Variants in SHLD1 observed in about 807,000 individuals in gnomAD.
SHLD1 encodes the protein shieldin complex subunit 1.
Under a neutral mutation model 5.5 loss-of-function variants are expected in SHLD1, and 3 were observed. That is an observed-to-expected ratio of 0.54 (90% confidence interval 0.25 to 1.40). The LOEUF is 1.40. SHLD1 is among the 40% of genes most tolerant of loss of function. The pLI, the probability that SHLD1 is intolerant of heterozygous loss-of-function variation, is 0.15. For missense variants in SHLD1, 210 were observed against 244.4 expected (o/e 0.86, Z 0.94); for synonymous variants, 92 against 94.3 (o/e 0.98, Z 0.14).
At chr20:5,769,586 C>T (rs1985034490) in intron 1 of SHLD1, among the ~76,000 whole-genome samples, 1 of 152,144 alleles carries the variant, frequency 6.6e-6, no homozygotes, top group Non-Finnish European at 1.5e-5. Flanking sequence ...AGATGAACAA[C>T]AAAACTAATA....
chr20:5,801,886 T>C (rs1313162368), intron 2 of SHLD1, among the ~76,000 whole-genome samples: 1 of 152,174 alleles, frequency 6.6e-6, no homozygotes, highest in East Asian at 1.9e-4. Flanking sequence ...GCTATGGAAG[T>C]TACATAAGTC....
intron 1 of SHLD1, among the ~76,000 whole-genome samples, chr20:5,768,131 T>C (rs950716775): frequency 1.2e-4 from 18 of 152,064 alleles, no homozygotes; most frequent in African/African-American, 3.9e-4. Flanking sequence ...TGTGCCACCA[T>C]GCCCAGCTAA....
intron 2 of SHLD1, among the ~76,000 whole-genome samples, chr20:5,784,965 G>C (rs1490712105): frequency 6.6e-6 from 1 of 152,176 alleles, no homozygotes; most frequent in East Asian, 1.9e-4. Context: ...GCACTTATCT[G>C]CCGAGTCCAG....
At chr20:5,852,041 T>C (rs560024573) in intron 2 of SHLD1, among the ~76,000 whole-genome samples, 2 of 152,072 alleles carry the variant, frequency 1.3e-5, no homozygotes, top group East Asian at 3.9e-4. Flanking sequence ...TTTGGCTGTG[T>C]GACATGCCTG....
rs149921939 is a variant in SHLD1, at chr20:5,806,986, A to G, written c.178+33943A>G. ...CCTTGAATTCTCATTTTATTCCTCA[A>G]TGCACTGGCTTAGAAATCAGCTGGC... On this transcript the variant is annotated intron_variant, in intron 2 of 2. Coordinates refer to ENST00000303142, the MANE Select transcript of SHLD1 (RefSeq NM_152504.4). The surrounding 1 kb of genome is among the most constrained non-coding windows in gnomAD (Gnocchi z 7.6). Among the ~76,000 whole-genome samples, 367 of 152,278 alleles carry G rather than the reference A, an allele frequency of 2.4e-3. 1 individual carries two copies. The highest frequency in any genetic ancestry group is 6.8e-3 in the Middle Eastern group (2 of 294).
chr20:5,783,311 G>A (rs1246135015), intron 2 of SHLD1, among the ~76,000 whole-genome samples: 1 of 152,030 alleles, frequency 6.6e-6, no homozygotes, highest in Non-Finnish European at 1.5e-5. Flanking sequence ...TGCGACCTCC[G>A]CCTCCCAGTT....
At chr20:5,842,581 G>C (rs907228609) in intron 2 of SHLD1, among the ~76,000 whole-genome samples, 22 of 152,152 alleles carry the variant, frequency 1.4e-4, no homozygotes, top group African/African-American at 4.3e-4. Context: ...GTCTCATTGT[G>C]CATTGCCTTT....
intron 2 of SHLD1, among the ~76,000 whole-genome samples, chr20:5,850,439 A>C (rs1018667878): frequency 7.3e-5 from 11 of 151,640 alleles, no homozygotes; most frequent in Admixed American, 6.6e-4. Flanking sequence ...CCCTCCCTGA[A>C]GTAACTTTCT....
At chr20:5,789,688 A>G (rs969839938) in intron 2 of SHLD1, among the ~76,000 whole-genome samples, 7 of 152,170 alleles carry the variant, frequency 4.6e-5, no homozygotes, top group African/African-American at 1.7e-4. Context: ...CTGCTAAGCA[A>G]CTATGAACCC....
chr20:5,810,648 C>T (rs2087446219), intron 2 of SHLD1, among the ~76,000 whole-genome samples: 1 of 151,248 alleles, frequency 6.6e-6, no homozygotes, highest in Non-Finnish European at 1.5e-5. Flanking sequence ...AATCCCAGCA[C>T]CTTGGGAGGC....
At chr20:5,804,868 C>G (rs113435655) in intron 2 of SHLD1, among the ~76,000 whole-genome samples, 4,665 of 152,252 alleles carry the variant, frequency 0.031, 98 homozygotes, top group Non-Finnish European at 0.048. Flanking sequence ...CTTTGTTTAC[C>G]TAACACAGAA....
intron 1 of SHLD1, among the ~76,000 whole-genome samples, chr20:5,760,936 G>A (rs1984426888): frequency 6.6e-6 from 1 of 152,066 alleles, no homozygotes; most frequent in Non-Finnish European, 1.5e-5. Context: ...AGAGTGAGGG[G>A]TGGTTGAGTT....
At chr20:5,785,779 G>A (rs2087051872) in intron 2 of SHLD1, among the ~76,000 whole-genome samples, 1 of 140,904 alleles carries the variant, frequency 7.1e-6, no homozygotes, top group African/African-American at 2.6e-5. Flanking sequence ...CTGGGTAACA[G>A]AGTAAGACTC....
intron 2 of SHLD1, among the ~76,000 whole-genome samples, chr20:5,860,901 A>T (rs2088154089): frequency 8.1e-6 from 1 of 122,968 alleles, no homozygotes; most frequent in Admixed American, 7.7e-5. Flanking sequence ...AAAAAAAAAA[A>T]AAAAAAAAAA....
chr20:5,843,864 C>T (rs2087895886), intron 2 of SHLD1, among the ~76,000 whole-genome samples: 1 of 152,214 alleles, frequency 6.6e-6, no homozygotes, highest in South Asian at 2.1e-4. Flanking sequence ...ATGTATTCCT[C>T]ACTTCTAGCC....
chr20:5,823,264 G>A (rs1375218719), intron 2 of SHLD1, among the ~76,000 whole-genome samples: 3 of 151,746 alleles, frequency 2.0e-5, no homozygotes, highest in African/African-American at 4.8e-5. Flanking sequence ...CTGACCTCAG[G>A]CCTCAGGCCT....
intron 1 of SHLD1, chr20:5,772,304 C>G: frequency 2.7e-6 from 1 of 376,990 alleles, no homozygotes; most frequent in South Asian, 2.0e-5. Context: ...AACACAAGCA[C>G]TGTGATACCA....
rs747674679 is a variant in SHLD1, at chr20:5,773,059, TA to T, written c.178+20del. Reference sequence around the variant, plus strand: ...GTGGATCCAGGTAATAAGCAGAGTTTAAAACAAACTAACTTAAAAACAACTA... The same window carrying T: ...GTGGATCCAGGTAATAAGCAGAGTTTAAACAAACTAACTTAAAAACAACTA... On this transcript the variant is annotated intron_variant, in intron 2 of 2. Coordinates refer to ENST00000303142, the MANE Select transcript of SHLD1 (RefSeq NM_152504.4). The T allele has an allele frequency of 3.1e-6, 5 of 1,613,932 alleles. No individual in the cohort carries two copies. Among genetic ancestry groups the T allele is most frequent in the Non-Finnish European group, 4.2e-6 (5 of 1,179,756 alleles).
chr20:5,817,879 T>G (rs150056450), intron 2 of SHLD1, among the ~76,000 whole-genome samples: 204 of 152,310 alleles, frequency 1.3e-3, no homozygotes, highest in African/African-American at 4.6e-3. Flanking sequence ...GGCAGTGAGA[T>G]TGCTGTGCTC....
Sources: gnomAD v4.1 joint callset for allele counts (sites outside exome capture counted in the v4.1 genomes callset) on GRCh38, gnomAD v4.1.1 for gene constraint, Gnocchi (gnomAD v3.1) non-coding constraint, MANE v1.5 for transcripts, NCBI Gene and HGNC (gene_info 2026-07-23, HGNC 2026-07-21) for gene names.